The following TMEM178B variants were observed in gnomAD, a reference collection of about 807,000 sequenced individuals.
TMEM178B encodes transmembrane protein 178B.
In TMEM178B, 5 loss-of-function variants were observed where a neutral mutation model predicts 31.0. The observed-to-expected ratio is 0.16, with a 90% CI of 0.08 to 0.34. TMEM178B has a LOEUF of 0.34. Ranked by LOEUF, TMEM178B falls within the 10% of genes least tolerant of loss-of-function variation. The probability of loss-of-function intolerance (pLI) is 1.00; values close to 1 mark genes in which losing one functional copy is unlikely to be tolerated. For missense variants in TMEM178B, 275 were observed against 400.3 expected, an observed-to-expected ratio of 0.69 and a Z score of 2.67; for synonymous variants, 164 against 164.0, an observed-to-expected ratio of 1.00 and a Z score of 0.00.
intron 1 of TMEM178B, among the ~76,000 whole-genome samples, chr7:141,142,123 C>T (rs552669647): frequency 1.3e-5 from 2 of 151,764 alleles, no homozygotes; most frequent in East Asian, 3.9e-4. Context: ...GTGTTTAGCA[C>T]CCACTTATAA....
At chr7:141,433,589 C>T (rs781692926) in intron 2 of TMEM178B, among the ~76,000 whole-genome samples, 8 of 152,238 alleles carry the variant, frequency 5.3e-5, no homozygotes, top group African/African-American at 9.6e-5. Context: ...TTTTTTCAAT[C>T]GGCCGTTATA....
intron 2 of TMEM178B, among the ~76,000 whole-genome samples, chr7:141,222,156 T>C (rs1797268159): frequency 6.6e-6 from 1 of 152,232 alleles, no homozygotes; most frequent in South Asian, 2.1e-4. Context: ...GTCTGTTTAC[T>C]GGCTATAGAT....
chr7:141,214,872 G>A (rs1230585766), intron 2 of TMEM178B, among the ~76,000 whole-genome samples: 2 of 152,038 alleles, frequency 1.3e-5, no homozygotes, highest in Admixed American at 6.6e-5. Flanking sequence ...AAAAGGTCTC[G>A]GGCACTTGGT....
chr7:141,344,652 A>G lies in TMEM178B; in HGVS notation c.497-92956A>G, dbSNP rs1415538804. The stretch of plus-strand genomic sequence containing the variant: ...CCTCCCTTCCTTCTTCCCTTCATCA[A>G]AAGACCTCTCAGAGGGAGGAACAAA... On this transcript the variant is annotated intron_variant, in intron 2 of 3. Transcript: ENST00000565468. The surrounding 1 kb of genome is among the most constrained non-coding windows in gnomAD (Gnocchi z 4.1). Among the ~76,000 whole-genome samples the G allele has an allele frequency of 2.0e-5, 3 of 147,014 alleles. No individual in the cohort carries two copies. The highest frequency in any genetic ancestry group is 4.5e-5 in the Non-Finnish European group (3 of 67,000).
the TMEM178B span, among the ~76,000 whole-genome samples, chr7:141,497,267 A>G: frequency 2.6e-5 from 4 of 152,320 alleles, no homozygotes; most frequent in South Asian, 8.3e-4. Flanking sequence ...CTAAAATTCT[A>G]TGCTGAGAGG....
the TMEM178B span, among the ~76,000 whole-genome samples, chr7:141,494,849 A>G: frequency 6.6e-6 from 1 of 152,210 alleles, no homozygotes; most frequent in Non-Finnish European, 1.5e-5. Flanking sequence ...TGAGATAGTT[A>G]TGGGTTAAGT....
intron 1 of TMEM178B, among the ~76,000 whole-genome samples, chr7:141,145,852 A>G (rs910452190): frequency 1.3e-5 from 2 of 152,220 alleles, no homozygotes; most frequent in Non-Finnish European, 2.9e-5. Flanking sequence ...GCTCCTGCCC[A>G]GTTACTAAGC....
At chr7:141,206,817 C>T (rs1343200618) in intron 1 of TMEM178B, among the ~76,000 whole-genome samples, 1 of 152,204 alleles carries the variant, frequency 6.6e-6, no homozygotes, top group Non-Finnish European at 1.5e-5. Flanking sequence ...ATGAGATCTA[C>T]CCTCTTAACA....
rs1800004614 is a variant in TMEM178B at position 141,366,360 on chromosome 7, T to A, written c.497-71248T>A. 2.0e-5 allele frequency among the ~76,000 whole-genome samples: 3 copies of A among 152,202 alleles called. No individual in the cohort carries two copies. In the South Asian group the frequency reaches 6.2e-4, roughly 32 times the overall value. Reference sequence around the variant, plus strand: ...TTTCCCTCCCAAAGAAAATAAACGCTATGCAAGGGTCACGACAAATTTGTT... The same window carrying A: ...TTTCCCTCCCAAAGAAAATAAACGCAATGCAAGGGTCACGACAAATTTGTT... On this transcript the variant is annotated intron_variant, in intron 2 of 3. Coordinates refer to ENST00000565468, the MANE Select transcript of TMEM178B (RefSeq NM_001195278.2).
chr7:141,472,292 C>T lies in TMEM178B; in HGVS notation c.*1506C>T, dbSNP rs1586983717. ...ATGCAGAACTCTTGACTCTTTCCATCCTCTTCCTTTCCCTCTTGATATTCA... is the reference window on the plus strand; with the variant it reads ...ATGCAGAACTCTTGACTCTTTCCATTCTCTTCCTTTCCCTCTTGATATTCA... On this transcript the variant is annotated 3_prime_UTR_variant, in exon 4 of 4. Coordinates refer to ENST00000565468, the MANE Select transcript of TMEM178B (RefSeq NM_001195278.2). 1 of 152,316 alleles carries T rather than the reference C, an allele frequency of 6.6e-6. No individual in the cohort carries two copies. The highest frequency in any genetic ancestry group is 2.4e-5 in the African/African-American group (1 of 41,576). The allele number at this position is 152,316 out of a possible 1,614,324, so 9.4% of individuals were successfully genotyped here. A position where few individuals can be genotyped will look rare whatever the true frequency, so the allele number is the denominator to read the frequency against.
At chr7:141,273,569 A>G (rs1005993257) in intron 2 of TMEM178B, among the ~76,000 whole-genome samples, 1 of 152,222 alleles carries the variant, frequency 6.6e-6, no homozygotes, top group Non-Finnish European at 1.5e-5. Context: ...AAACCAAACC[A>G]AAGCATTGCA....
chr7:141,375,318 A>G (rs1050451952), intron 2 of TMEM178B, among the ~76,000 whole-genome samples: 2 of 152,218 alleles, frequency 1.3e-5, no homozygotes, highest in Non-Finnish European at 2.9e-5. Flanking sequence ...TACTGTCCCC[A>G]TCATTTCAGG....
chr7:141,104,517 C>T (rs754965458), intron 1 of TMEM178B, among the ~76,000 whole-genome samples: 2 of 152,228 alleles, frequency 1.3e-5, no homozygotes, highest in Non-Finnish European at 2.9e-5. Flanking sequence ...TCTGCCCTCT[C>T]AGCCCTGTCA....
chr7:141,488,220 G>A, the TMEM178B span, among the ~76,000 whole-genome samples: 5 of 152,220 alleles, frequency 3.3e-5, no homozygotes, highest in East Asian at 7.7e-4. Flanking sequence ...AAACAAAATG[G>A]CCTTCAGAAA....
intron 1 of TMEM178B, among the ~76,000 whole-genome samples, chr7:141,146,137 A>G (rs1433713528): frequency 6.6e-6 from 1 of 152,218 alleles, no homozygotes; most frequent in Non-Finnish European, 1.5e-5. Context: ...ACTGACACTC[A>G]AGAGAGGTGA....
At chr7:141,352,013 TC>T in intron 2 of TMEM178B, 1 of 152,526 alleles carries the variant, frequency 6.6e-6, no homozygotes, top group Non-Finnish European at 1.5e-5. Context: ...GTACCCCAAG[TC>T]CCCATGCCCT....
downstream of TMEM178B, among the ~76,000 whole-genome samples, chr7:141,483,633 G>C (rs1319284076): frequency 6.6e-6 from 1 of 152,114 alleles, no homozygotes; most frequent in Non-Finnish European, 1.5e-5. Context: ...AAATATGAGA[G>C]TGCCTCGCCC....
At chr7:141,255,096 T>G (rs1797904907) in intron 2 of TMEM178B, among the ~76,000 whole-genome samples, 1 of 152,244 alleles carries the variant, frequency 6.6e-6, no homozygotes, top group Admixed American at 6.5e-5. Context: ...AAGATGGGAC[T>G]TAATATGCAA....
the TMEM178B span, among the ~76,000 whole-genome samples, chr7:141,499,406 T>C: frequency 6.7e-6 from 1 of 149,150 alleles, no homozygotes; most frequent in African/African-American, 2.5e-5. Context: ...GGTGGGAGGA[T>C]TGGTTGAGCC....
Sources: allele counts gnomAD v4.1 joint callset (sites outside exome capture counted in the v4.1 genomes callset), GRCh38; gene constraint gnomAD v4.1.1; non-coding constraint Gnocchi (gnomAD v3.1); transcripts MANE v1.5; gene names NCBI Gene and HGNC (gene_info 2026-07-23, HGNC 2026-07-21).